Variants in FBXW11 observed in about 807,000 individuals in gnomAD.
FBXW11 encodes the protein F-box and WD repeat domain containing 11, also known as F-box/WD repeat-containing protein 11.
A neutral mutation model predicts 77.6 loss-of-function variants in FBXW11; 19 were observed. That is an observed-to-expected ratio of 0.24 (90% CI 0.17 to 0.36). The LOEUF is 0.36. Among genes scored for constraint, FBXW11 ranks in the 10% least tolerant of loss-of-function variants. FBXW11 has a pLI of 1.00. For missense variants in FBXW11, 334 were observed against 704.2 expected, an observed-to-expected ratio of 0.47 and a Z score of 5.95; for synonymous variants, 235 against 249.4, an observed-to-expected ratio of 0.94 and a Z score of 0.54.
intron 2 of FBXW11, among the ~76,000 whole-genome samples, chr5:171,921,362 C>T (rs1412968005): frequency 6.6e-6 from 1 of 152,170 alleles, no homozygotes; most frequent in Non-Finnish European, 1.5e-5. Flanking sequence ...AAAAATGCTG[C>T]AAATTCTGCA....
chr5:171,897,817 T>C (rs1759849657), intron 6 of FBXW11, among the ~76,000 whole-genome samples: 1 of 151,532 alleles, frequency 6.6e-6, no homozygotes, highest in African/African-American at 2.4e-5. Context: ...AGAAATGCCT[T>C]AGTACAACTA....
At chr5:171,982,523 A>G (rs919296247) in intron 1 of FBXW11, among the ~76,000 whole-genome samples, 3 of 152,024 alleles carry the variant, frequency 2.0e-5, no homozygotes, top group Non-Finnish European at 2.9e-5. Flanking sequence ...ATCCACTCCT[A>G]AAGTGCTGGG....
chr5:171,876,238 C>A lies in FBXW11; in HGVS notation c.1221+47G>T. ...AAGCCACCTCTGCTTTGTCTCTGTT[C>A]TAAAAGGGACAGGAACAGGTAGGGT... On this transcript the variant is annotated intron_variant, in intron 9 of 13. Coordinates refer to ENST00000517395, the MANE Select transcript of FBXW11 (RefSeq NM_001378974.1). This position sits in a 1 kb window ranked among gnomAD's most constrained non-coding sequence, Gnocchi z 4.2. 1 of 1,606,690 alleles carries A rather than the reference C, an allele frequency of 6.2e-7. No homozygotes were observed. The highest frequency in any genetic ancestry group is 8.5e-7 in the Non-Finnish European group (1 of 1,175,564).
At chr5:171,881,107 A>G (rs1398309132) in intron 7 of FBXW11, among the ~76,000 whole-genome samples, 4 of 152,180 alleles carry the variant, frequency 2.6e-5, no homozygotes, top group African/African-American at 4.8e-5. Context: ...ATAATCATTT[A>G]TTAGTTCTAG....
intron 2 of FBXW11, among the ~76,000 whole-genome samples, chr5:171,944,191 G>C (rs1484169450): frequency 6.6e-6 from 1 of 151,898 alleles, no homozygotes; most frequent in East Asian, 1.9e-4. Context: ...AGTATACAAA[G>C]CATAGAAAGT....
intron 1 of FBXW11, among the ~76,000 whole-genome samples, chr5:171,960,174 G>A (rs1421822725): frequency 2.6e-5 from 4 of 152,066 alleles, no homozygotes; most frequent in South Asian, 2.1e-4. Flanking sequence ...CCAGGAGTTC[G>A]AGACCAGCCT....
intron 2 of FBXW11, among the ~76,000 whole-genome samples, chr5:171,951,158 T>G (rs980699153): frequency 1.3e-5 from 2 of 150,892 alleles, no homozygotes; most frequent in African/African-American, 4.9e-5. Flanking sequence ...AAGATACATA[T>G]GCAATGAAAT....
At chr5:171,894,756 A>C (rs1759625250) in intron 6 of FBXW11, among the ~76,000 whole-genome samples, 1 of 151,818 alleles carries the variant, frequency 6.6e-6, no homozygotes, top group South Asian at 2.1e-4. Flanking sequence ...CTGTGGTAGA[A>C]AATACCTAGG....
chr5:171,985,495 A>T (rs1765385781), intron 1 of FBXW11, among the ~76,000 whole-genome samples: 1 of 152,202 alleles, frequency 6.6e-6, no homozygotes, highest in African/African-American at 2.4e-5. Flanking sequence ...GCAGTGGCTC[A>T]CACCTATAAT....
At chr5:171,989,904 T>C (rs960982532) in intron 1 of FBXW11, among the ~76,000 whole-genome samples, 3 of 152,234 alleles carry the variant, frequency 2.0e-5, no homozygotes, top group Non-Finnish European at 2.9e-5. Context: ...TATGTGATTA[T>C]ATATAATGTG....
intron 2 of FBXW11, among the ~76,000 whole-genome samples, chr5:171,927,852 C>T (rs1041689351): frequency 4.6e-5 from 7 of 152,186 alleles, no homozygotes; most frequent in African/African-American, 1.7e-4. Flanking sequence ...CCATGAGATC[C>T]AAAAGGATGG....
intron 1 of FBXW11, among the ~76,000 whole-genome samples, chr5:171,987,779 A>G (rs1765525488): frequency 6.6e-6 from 1 of 152,040 alleles, no homozygotes; most frequent in Admixed American, 6.6e-5. Flanking sequence ...AATATCCCTT[A>G]TGAAATTTCC....
intron 2 of FBXW11, among the ~76,000 whole-genome samples, chr5:171,931,852 CCTCCCTCCCTCT>C (rs1241889156): frequency 2.4e-3 from 27 of 11,094 alleles, no homozygotes; most frequent in African/African-American, 8.0e-3. Context: ...TCCCTCCCTC[CCTCCCTCCCTCT>C]CTCTCTCTCT....
At chr5:172,004,441 C>T (rs545712886) in intron 1 of FBXW11, among the ~76,000 whole-genome samples, 56 of 152,336 alleles carry the variant, frequency 3.7e-4, no homozygotes, top group African/African-American at 1.3e-3. Context: ...CAAGTGCTAT[C>T]ATGTAAAATC....
intron 1 of FBXW11, among the ~76,000 whole-genome samples, chr5:171,974,692 T>G (rs1764724202): frequency 6.6e-6 from 1 of 152,126 alleles, no homozygotes; most frequent in African/African-American, 2.4e-5. Flanking sequence ...AAATATTCAC[T>G]GCACTTCAGC....
At chr5:171,913,807 C>CCACACA (rs773692324) in intron 3 of FBXW11, among the ~76,000 whole-genome samples, 9 of 97,848 alleles carry the variant, frequency 9.2e-5, no homozygotes, top group Non-Finnish European at 1.6e-4. Flanking sequence ...AAACCCCCAA[C>CCACACA]CACACACACA....
At chr5:171,996,775 T>A in intron 1 of FBXW11, 1 of 696,996 alleles carries the variant, frequency 1.4e-6, no homozygotes, top group Non-Finnish European at 2.0e-6. Flanking sequence ...CACAAACGTC[T>A]AATATTTCTC....
rs576892692 is a variant in FBXW11, at chr5:171,904,675, G to A, written c.437-4575C>T. On this transcript the variant is annotated intron_variant, in intron 4 of 13. Transcript: ENST00000517395. This position sits in a 1 kb window ranked among gnomAD's most constrained non-coding sequence, Gnocchi z 4.0. Reference sequence around the variant, plus strand: ...CAACCTCCACCTCCTGGGTTCAAGCGATTCTCCTGCCTCAGCCTCCCGAGT... The same window carrying A: ...CAACCTCCACCTCCTGGGTTCAAGCAATTCTCCTGCCTCAGCCTCCCGAGT... 2.6e-5 allele frequency among the ~76,000 whole-genome samples: 4 copies of A among 152,060 alleles called. No homozygotes were observed. In the East Asian group the frequency reaches 5.8e-4, roughly 22 times the overall value.
In FBXW11 at chr5:171,876,202, C is replaced by G. The variant is rs1369501563; in HGVS notation, c.1221+83G>C. ...GGAGAATAAAGATCTTGCCAGGTAC[C>G]AGGTTGGTATAAGCCACCTCTGCTT... On this transcript the variant is annotated intron_variant, in intron 9 of 13. Coordinates refer to ENST00000517395, the MANE Select transcript of FBXW11 (RefSeq NM_001378974.1). This position sits in a 1 kb window ranked among gnomAD's most constrained non-coding sequence, Gnocchi z 4.2. 10 of 1,519,384 alleles carry G rather than the reference C, an allele frequency of 6.6e-6. No homozygotes were observed. In the East Asian group the frequency reaches 2.3e-4, roughly 34 times the overall value. The allele number at this position is 1,519,384 out of a possible 1,614,324, so 94.1% of individuals were successfully genotyped here.
Sources: gnomAD v4.1 joint callset for allele counts (sites outside exome capture counted in the v4.1 genomes callset) on GRCh38, gnomAD v4.1.1 for gene constraint, Gnocchi (gnomAD v3.1) non-coding constraint, MANE v1.5 for transcripts, NCBI Gene and HGNC (gene_info 2026-07-23, HGNC 2026-07-21) for gene names.